CNTNAP2: variants seen among roughly 807,000 people sequenced by gnomAD.
The protein encoded by CNTNAP2 is contactin associated protein 2.
In CNTNAP2, 98 loss-of-function variants were observed where a neutral mutation model predicts 155.2. That is an observed-to-expected ratio of 0.63 (90% CI 0.54 to 0.75). The LOEUF is 0.75. Among genes scored for constraint, CNTNAP2 ranks in the 30% least tolerant of loss-of-function variants. The probability of loss-of-function intolerance (pLI) is 0.00; values close to 1 mark genes in which losing one functional copy is unlikely to be tolerated. For missense variants in CNTNAP2, 1,727 were observed against 1,688.1 expected, an observed-to-expected ratio of 1.02 and a Z score of -0.40; for synonymous variants, 651 against 631.2, an observed-to-expected ratio of 1.03 and a Z score of -0.47.
chr7:147,599,324 A>G (rs1407619124), intron 12 of CNTNAP2, among the ~76,000 whole-genome samples: 1 of 151,818 alleles, frequency 6.6e-6, no homozygotes, highest in African/African-American at 2.4e-5. Flanking sequence ...TAAAAAAATA[A>G]AATAAAAATT....
intron 10 of CNTNAP2, among the ~76,000 whole-genome samples, chr7:147,469,506 ATTTT>A (rs71527812): frequency 2.5e-5 from 2 of 79,130 alleles, no homozygotes; most frequent in African/African-American, 4.9e-5. Flanking sequence ...TCAGGCTGCA[ATTTT>A]TTTTTTTTTT....
At chr7:147,745,734 A>AACTT (rs1224281105) in intron 13 of CNTNAP2, among the ~76,000 whole-genome samples, 6 of 152,342 alleles carry the variant, frequency 3.9e-5, no homozygotes, top group Admixed American at 6.5e-5. Context: ...GTCGAACTAA[A>AACTT]ACTTGTCTGC....
chr7:147,031,728 G>A (rs1009186374), intron 3 of CNTNAP2, among the ~76,000 whole-genome samples: 9 of 152,162 alleles, frequency 5.9e-5, no homozygotes. Flanking sequence ...GACCAGCCTG[G>A]GCAATGTGGT....
At chr7:147,020,132 GA>G (rs1431725443) in intron 3 of CNTNAP2, among the ~76,000 whole-genome samples, 2 of 152,136 alleles carry the variant, frequency 1.3e-5, no homozygotes, top group Non-Finnish European at 2.9e-5. Flanking sequence ...AGTTGATTGG[GA>G]AAAATAGATT....
chr7:146,468,429 A>T (rs1796746621), intron 1 of CNTNAP2, among the ~76,000 whole-genome samples: 1 of 151,924 alleles, frequency 6.6e-6, no homozygotes, highest in Non-Finnish European at 1.5e-5. Flanking sequence ...CTGAATCTAA[A>T]ATCAAAGTCA....
chr7:146,530,436 AC>A (rs1288079776), intron 1 of CNTNAP2, among the ~76,000 whole-genome samples: 2 of 152,200 alleles, frequency 1.3e-5, no homozygotes, highest in Non-Finnish European at 2.9e-5. Context: ...AGCAAAGTAA[AC>A]AGACAATCTA....
chr7:146,940,694 TATAC>T (rs1434541505), intron 3 of CNTNAP2, among the ~76,000 whole-genome samples: 2 of 125,710 alleles, frequency 1.6e-5, no homozygotes, highest in Non-Finnish European at 1.8e-5. Context: ...AATATATATA[TATAC>T]ACACACACAC....
intron 1 of CNTNAP2, among the ~76,000 whole-genome samples, chr7:146,563,706 A>G (rs906882638): frequency 1.3e-5 from 2 of 152,102 alleles, no homozygotes; most frequent in African/African-American, 4.8e-5. Flanking sequence ...GCAATATCTT[A>G]AGACCAGTTA....
intron 16 of CNTNAP2, among the ~76,000 whole-genome samples, chr7:148,124,147 G>A (rs1039610798): frequency 6.6e-6 from 1 of 152,234 alleles, no homozygotes; most frequent in Non-Finnish European, 1.5e-5. Context: ...GTGGGCATGA[G>A]GTAGACCCAG....
At chr7:146,766,220 C>A (rs953298976) in intron 1 of CNTNAP2, among the ~76,000 whole-genome samples, 23 of 152,204 alleles carry the variant, frequency 1.5e-4, no homozygotes, top group Admixed American at 7.2e-4. Context: ...AAGTTGATGT[C>A]TTTTGCTGAG....
chr7:147,667,180 C>A (rs575829913), intron 13 of CNTNAP2, among the ~76,000 whole-genome samples: 1 of 152,266 alleles, frequency 6.6e-6, no homozygotes, highest in African/African-American at 2.4e-5. Context: ...GGTGAGTCTG[C>A]AAGTGCTGAT....
chr7:147,454,811 A>C (rs1018135716), intron 10 of CNTNAP2, among the ~76,000 whole-genome samples: 25 of 152,064 alleles, frequency 1.6e-4, no homozygotes, highest in African/African-American at 5.8e-4. Context: ...GTCAGGGCTC[A>C]TGATAAAGCT....
intron 1 of CNTNAP2, among the ~76,000 whole-genome samples, chr7:146,270,230 G>T (rs1004834372): frequency 6.6e-6 from 1 of 152,066 alleles, no homozygotes; most frequent in African/African-American, 2.4e-5. Context: ...ATTTTGTATA[G>T]AATTCTTTTG....
intron 2 of CNTNAP2, among the ~76,000 whole-genome samples, chr7:146,797,004 C>T (rs1343880416): frequency 3.3e-5 from 5 of 151,996 alleles, no homozygotes; most frequent in African/African-American, 4.8e-5. Context: ...GGCATGGTGG[C>T]GGGCGCCTGT....
chr7:146,806,342 A>C (rs1802966608), intron 2 of CNTNAP2, among the ~76,000 whole-genome samples: 2 of 152,036 alleles, frequency 1.3e-5, no homozygotes, highest in East Asian at 1.9e-4. Flanking sequence ...TACAAAAAAA[A>C]AAAAATAGCT....
intron 1 of CNTNAP2, among the ~76,000 whole-genome samples, chr7:146,753,868 C>G (rs1285426325): frequency 6.6e-6 from 1 of 152,004 alleles, no homozygotes; most frequent in Admixed American, 6.6e-5. Context: ...AAATTCCATG[C>G]AGACTTGAAT....
intron 9 of CNTNAP2, among the ~76,000 whole-genome samples, chr7:147,345,550 G>A (rs559413206): frequency 5.9e-5 from 9 of 152,042 alleles, no homozygotes; most frequent in Non-Finnish European, 1.2e-4. Context: ...ATTATGTGGC[G>A]TGTTACATAC....
chr7:146,296,551 A>G (rs1800517725), intron 1 of CNTNAP2, among the ~76,000 whole-genome samples: 1 of 152,190 alleles, frequency 6.6e-6, no homozygotes, highest in Admixed American at 6.6e-5. Flanking sequence ...AGCAGACTTC[A>G]GGAGGTAGCA....
intron 8 of CNTNAP2, among the ~76,000 whole-genome samples, chr7:147,157,244 T>C (rs1801942772): frequency 6.6e-6 from 1 of 152,088 alleles, no homozygotes; most frequent in African/African-American, 2.4e-5. Context: ...ACTATTTCTT[T>C]CTATGGTGAT....
Sources: allele counts gnomAD v4.1 joint callset (sites outside exome capture counted in the v4.1 genomes callset), GRCh38; gene constraint gnomAD v4.1.1; transcripts MANE v1.5; gene names NCBI Gene and HGNC (gene_info 2026-07-23, HGNC 2026-07-21).